ZNF84: variants seen among roughly 807,000 people sequenced by gnomAD.
ZNF84 encodes the protein zinc finger protein HPF2.
A neutral mutation model predicts 14.8 loss-of-function variants in ZNF84; 12 were observed. That is an observed-to-expected ratio of 0.81 (90% confidence interval 0.52 to 1.31). The LOEUF is 1.31. Among genes scored for constraint, ZNF84 ranks in the 50% most tolerant of loss-of-function variants. The pLI, the probability that ZNF84 is intolerant of heterozygous loss-of-function variation, is 0.00. For missense variants in ZNF84, 859 were observed against 878.6 expected, an observed-to-expected ratio of 0.98 and a Z score of 0.28; for synonymous variants, 347 against 291.1, an observed-to-expected ratio of 1.19 and a Z score of -1.96.
At chr12:133,041,143 C>A in intron 1 of ZNF84, 135 bp from the exon 2 acceptor site, 1 of 347,618 alleles carries the variant, frequency 2.9e-6, no homozygotes, top group South Asian at 1.1e-4. Context: ...TTCTGTTTCC[C>A]TGAGAGTGCT....
rs1305433189 is a variant in ZNF84, at chr12:133,056,992, G to C, written c.277G>C (p.Asp93His). Residue 93 changes from aspartate to histidine, a missense_variant, in exon 5 of 5, where the codon GAT becomes CAT. By Grantham distance (81) the Asp-to-His change is moderately conservative. Coordinates refer to ENST00000539354, the MANE Select transcript of ZNF84 (RefSeq NM_001289971.2). Reference protein sequence around the residue: ...KVDGNMMWHQDNQDKLKIIKR... With the variant: ...KVDGNMMWHQHNQDKLKIIKR... ...AGATGGTAACATGATGTGGCACCAG[G>C]ATAACCAAGACAAGCTTAAAATTAT... is the stretch of plus-strand genomic sequence containing the variant. The C allele has an allele frequency of 3.1e-6, 5 of 1,599,680 alleles. No individual in the cohort carries two copies. In the African/African-American group the frequency reaches 6.8e-5, roughly 22 times the overall value.
intron 1 of ZNF84, among the ~76,000 whole-genome samples, chr12:133,040,000 C>T (rs1270209803): frequency 3.3e-5 from 5 of 152,038 alleles, no homozygotes; most frequent in South Asian, 2.1e-4. Flanking sequence ...CATGCCACCA[C>T]GCCTGGTTTA....
chr12:133,046,750 C>T (rs1350988610), intron 2 of ZNF84, among the ~76,000 whole-genome samples: 1 of 150,584 alleles, frequency 6.6e-6, no homozygotes, highest in East Asian at 1.9e-4. Flanking sequence ...ACGCCTCGAC[C>T]TCCCAGGGTC....
chr12:133,040,608 A>G (rs2137323011), intron 1 of ZNF84: 1 of 151,024 alleles, frequency 6.6e-6, no homozygotes, highest in African/African-American at 2.4e-5. Context: ...GATGTTGCAG[A>G]CTTCATCTAA....
Position 133,058,810 on chromosome 12 carries a change from G to C in ZNF84, c.2095G>C (p.Val699Leu), listed in dbSNP as rs1436753283. Residue 699 changes from valine (V) to leucine (L), a missense_variant, in exon 5 of 5, where the codon GTT (valine) becomes CTT (leucine). Transcript: ENST00000539354. ...RKAFSQKSQL[V>L]NHQRIHTGEK... ...GGCCTTCTCTCAGAAGTCACAGCTGGTTAATCATCAGAGAATTCATACAGG... is the reference window on the plus strand; with the variant it reads ...GGCCTTCTCTCAGAAGTCACAGCTGCTTAATCATCAGAGAATTCATACAGG... 2 of 1,613,568 alleles carry C rather than the reference G, an allele frequency of 1.2e-6. No homozygotes were observed. Among genetic ancestry groups the C allele is most frequent in the Non-Finnish European group, 1.7e-6 (2 of 1,179,894 alleles).
Position 133,058,610 on chromosome 12 carries a change from G to A in ZNF84, c.1895G>A (p.Cys632Tyr). The change falls in exon 5 of 5, where the codon TGT becomes TAT. Residue 632 changes from cysteine (C) to tyrosine (Y), a missense_variant. By Grantham distance (194) the Cys-to-Tyr change is radical (BLOSUM62 -2). Transcript: ENST00000539354. ...TGEKPYECNE[C>Y]RKAFREKSSL... is the part of the protein sequence containing the mutation. The stretch of plus-strand genomic sequence containing the variant: ...GAAAAACCTTATGAATGCAATGAAT[G>A]TAGAAAAGCCTTCAGGGAGAAGTCA... The A allele has an allele frequency of 6.2e-7, 1 of 1,614,160 alleles. No homozygotes were observed. Among genetic ancestry groups the A allele is most frequent in the East Asian group, 2.2e-5 (1 of 44,864 alleles).
Position 133,062,929 on chromosome 12 carries a change from T to C in ZNF84, c.*3997T>C. The C allele has an allele frequency of 5.2e-6, 3 of 572,612 alleles. No individual in the cohort carries two copies. In the South Asian group the frequency reaches 7.1e-5, roughly 14 times the overall value. 35.5% of individuals were successfully genotyped at this position (572,612 alleles called of 1,614,324 possible). On this transcript the variant is annotated 3_prime_UTR_variant, in exon 5 of 5. Transcript: ENST00000539354. The stretch of plus-strand genomic sequence containing the variant: ...TTGTTCCTTGTTAATGCCTATTGAA[T>C]CTATATGAACCTGTACGTGTGTTTC...
chr12:133,057,666 ACCC>A lies in ZNF84; in HGVS notation c.952_954del (p.Pro318del). On this transcript the variant is annotated inframe_deletion, in exon 5 of 5. Coordinates refer to ENST00000539354, the MANE Select transcript of ZNF84 (RefSeq NM_001289971.2). Reference sequence around the variant, plus strand: ...ATTGGAGAACACACACAGGAGAGAAACCCTATGGATGCAATGAATGTGGGAGGG... The same window carrying A: ...ATTGGAGAACACACACAGGAGAGAAATATGGATGCAATGAATGTGGGAGGG... 6.2e-7 allele frequency: 1 copy of A among 1,614,058 alleles called. No homozygotes were observed. Among genetic ancestry groups the A allele is most frequent in the Non-Finnish European group, 8.5e-7 (1 of 1,180,014 alleles).
chr12:133,059,010 C>A lies in ZNF84; in HGVS notation c.*78C>A, dbSNP rs1248435063. ...AATTATGATAACGTTTGTAGACAGT[C>A]ACGTCATGTTAGGTGTTTGTACTCC... On this transcript the variant is annotated 3_prime_UTR_variant, in exon 5 of 5. Coordinates refer to ENST00000539354, the MANE Select transcript of ZNF84 (RefSeq NM_001289971.2). The A allele has an allele frequency of 1.4e-5, 19 of 1,392,170 alleles. No individual in the cohort carries two copies. The highest frequency in any genetic ancestry group is 2.2e-5 in the Admixed American group (1 of 45,908). 86.2% of individuals were successfully genotyped at this position (1,392,170 alleles called of 1,614,324 possible).
In ZNF84 at chr12:133,057,675, A is replaced by G. The variant is rs1954185121; in HGVS notation, c.960A>G (p.Gly320=). The part of the protein sequence containing the change: ...WRTHTGEKPY[G]CNECGRAFSE... ...CACACACAGGAGAGAAACCCTATGG[A>G]TGCAATGAATGTGGGAGGGCCTTTA... The change falls in exon 5 of 5, where the codon GGA becomes GGG. Residue 320 remains glycine (G), a synonymous_variant. Coordinates refer to ENST00000539354, the MANE Select transcript of ZNF84 (RefSeq NM_001289971.2). The G allele has an allele frequency of 1.2e-6, 2 of 1,613,960 alleles. No homozygotes were observed. The highest frequency in any genetic ancestry group is 1.3e-5 in the African/African-American group (1 of 74,914).
At position 133,041,331 on chromosome 12, in the gene ZNF84, G is replaced by T. The variant is rs1435109122; in HGVS notation, c.-137G>T. On this transcript the variant is annotated 5_prime_UTR_variant, in exon 2 of 5. Coordinates refer to ENST00000539354, the MANE Select transcript of ZNF84 (RefSeq NM_001289971.2). ...CCTGCTCATGTGAGATAAGAAAGGAGTTCCTGGAACCAGGAATTCATTCTC... is the reference window on the plus strand; with the variant it reads ...CCTGCTCATGTGAGATAAGAAAGGATTTCCTGGAACCAGGAATTCATTCTC... 3 of 822,574 alleles carry T rather than the reference G, an allele frequency of 3.6e-6. No individual in the cohort carries two copies. Among genetic ancestry groups the T allele is most frequent in the Non-Finnish European group, 6.1e-6 (3 of 492,342 alleles). The allele number at this position is 822,574 out of a possible 1,614,324, so 51.0% of individuals were successfully genotyped here.
chr12:133,052,217 G>C (rs962359464), intron 4 of ZNF84, among the ~76,000 whole-genome samples: 59 of 152,268 alleles, frequency 3.9e-4, no homozygotes, highest in African/African-American at 1.3e-3. Flanking sequence ...GTACCACCAT[G>C]ATCTTTTTCT....
chr12:133,056,485 C>T (rs1593712422), intron 4 of ZNF84, among the ~76,000 whole-genome samples: 1 of 152,230 alleles, frequency 6.6e-6, no homozygotes, highest in East Asian at 1.9e-4. Context: ...GATCTCCCAA[C>T]CTCATGATCT....
chr12:133,061,898 C>T lies in ZNF84; in HGVS notation c.*2966C>T, dbSNP rs1488462330. The T allele has an allele frequency of 2.0e-5, 3 of 152,172 alleles. No homozygotes were observed. Among genetic ancestry groups the T allele is most frequent in the Admixed American group, 1.3e-4 (2 of 15,272 alleles). The allele number at this position is 152,172 out of a possible 1,614,324, so 9.4% of individuals were successfully genotyped here. ...AAGTGTCATGAGAGCTCTGATTCTGCAATTAGAGATTTTTTAATGTGTTTT... is the reference window on the plus strand; with the variant it reads ...AAGTGTCATGAGAGCTCTGATTCTGTAATTAGAGATTTTTTAATGTGTTTT... On this transcript the variant is annotated 3_prime_UTR_variant, in exon 5 of 5. Coordinates refer to ENST00000539354, the MANE Select transcript of ZNF84 (RefSeq NM_001289971.2).
At chr12:133,044,731 T>A (rs1409946056) in intron 2 of ZNF84, among the ~76,000 whole-genome samples, 5 of 151,756 alleles carry the variant, frequency 3.3e-5, no homozygotes, top group Non-Finnish European at 7.4e-5. Context: ...CTGGCCAACA[T>A]GGTGAAAGCC....
At chr12:133,037,682 TG>T (rs1953807895) in intron 1 of ZNF84, 137 bp downstream of exon 1, 1 of 118,234 alleles carries the variant, frequency 8.5e-6, no homozygotes, top group Non-Finnish European at 1.8e-5. Context: ...TGGGGCGGGT[TG>T]GGGCTGGGCC....
intron 1 of ZNF84, chr12:133,038,021 C>T (rs1953818252): frequency 6.6e-6 from 1 of 152,214 alleles, no homozygotes; most frequent in Admixed American, 6.5e-5. Flanking sequence ...TATTTATTGA[C>T]TGTTTTAAAT....
At chr12:133,045,325 G>T (rs942535806) in intron 2 of ZNF84, among the ~76,000 whole-genome samples, 1 of 152,142 alleles carries the variant, frequency 6.6e-6, no homozygotes, top group Non-Finnish European at 1.5e-5. Flanking sequence ...ACAAAAATTA[G>T]CTGGGCGTAG....
intron 1 of ZNF84, among the ~76,000 whole-genome samples, chr12:133,040,259 T>C (rs2137320752): frequency 6.6e-6 from 1 of 151,928 alleles, no homozygotes; most frequent in South Asian, 2.1e-4. Flanking sequence ...ACATACCACG[T>C]AAATACCAAA....
Sources: allele counts gnomAD v4.1 joint callset (sites outside exome capture counted in the v4.1 genomes callset), GRCh38; gene constraint gnomAD v4.1.1; transcripts MANE v1.5; gene names NCBI Gene and HGNC (gene_info 2026-07-23, HGNC 2026-07-21).